The following STAT3 variants were observed in gnomAD, a reference collection of about 807,000 sequenced individuals.
STAT3 encodes the protein DNA-binding protein APRF.
A neutral mutation model predicts 114.3 loss-of-function variants in STAT3; 7 were observed. The ratio of observed to expected loss-of-function variants is 0.06; its 90% CI spans 0.03 to 0.11. The LOEUF (loss-of-function observed/expected upper bound fraction) is 0.11. Among genes scored for constraint, STAT3 ranks in the 10% least tolerant of loss-of-function variants. The pLI is 1.00. For missense variants in STAT3, 364 were observed against 960.9 expected, an observed-to-expected ratio of 0.38 and a Z score of 8.21; for synonymous variants, 331 against 354.5, an observed-to-expected ratio of 0.93 and a Z score of 0.74.
At chr17:42,376,710 G>A (rs929225337) in intron 1 of STAT3, among the ~76,000 whole-genome samples, 1 of 151,962 alleles carries the variant, frequency 6.6e-6, no homozygotes, top group African/African-American at 2.4e-5. Flanking sequence ...GCCGGGCATT[G>A]TGACGGGCGC....
In STAT3 at chr17:42,314,282, A is replaced by G. The variant is rs576595680; in HGVS notation, c.*1463T>C. 3 of 233,308 alleles carry G rather than the reference A, an allele frequency of 1.3e-5. No individual in the cohort carries two copies. In the East Asian group the frequency reaches 1.8e-4, roughly 14 times the overall value. The allele number at this position is 233,308 out of a possible 1,614,324, so 14.5% of individuals were successfully genotyped here. On this transcript the variant is annotated 3_prime_UTR_variant, in exon 24 of 24. Transcript: ENST00000264657. ...AAGTGCCACTGGATATCACCAAGAA[A>G]CTGGCTAAGAACCATATTCCCTGAG... is the stretch of plus-strand genomic sequence containing the variant.
At chr17:42,323,479 G>A (rs2081570047) in intron 18 of STAT3, 94 bp downstream of exon 18, 1 of 1,559,910 alleles carries the variant, frequency 6.4e-7, no homozygotes, top group Admixed American at 1.7e-5. Context: ...CTGGCCGCTG[G>A]ACCAAGAGTT....
At chr17:42,366,061 T>C (rs1223214599) in intron 1 of STAT3, among the ~76,000 whole-genome samples, 1 of 152,160 alleles carries the variant, frequency 6.6e-6, no homozygotes, top group East Asian at 1.9e-4. Context: ...AATTCTCAAA[T>C]TTATGTCTCT....
rs1053005 is a variant in STAT3 at position 42,313,892 on chromosome 17, T to C, written c.*1853A>G. On this transcript the variant is annotated 3_prime_UTR_variant, in exon 24 of 24. Coordinates refer to ENST00000264657, the MANE Select transcript of STAT3 (RefSeq NM_139276.3). Reference sequence around the variant, plus strand: ...AGGACTGGGGCGAACCCTGTTCATCTTAGAGAAGGTCGTCTCCCCCTTAAT... The same window carrying C: ...AGGACTGGGGCGAACCCTGTTCATCCTAGAGAAGGTCGTCTCCCCCTTAAT... 0.25 allele frequency: 56,957 copies of C among 232,250 alleles called. 7,910 individuals carry two copies. The highest frequency in any genetic ancestry group is 0.38 in the African/African-American group (17,370 of 45,290). 14.4% of individuals were successfully genotyped at this position (232,250 alleles called of 1,614,324 possible). A position where few individuals can be genotyped will look rare whatever the true frequency, so the allele number is the denominator to read the frequency against.
At chr17:42,370,251 C>CTT (rs34393906) in intron 1 of STAT3, among the ~76,000 whole-genome samples, 1 of 139,284 alleles carries the variant, frequency 7.2e-6, no homozygotes. Context: ...CACACCCAGC[C>CTT]TTTTTTTTTT....
chr17:42,378,849 TTCTG>T (rs1217832095), intron 1 of STAT3, among the ~76,000 whole-genome samples: 2 of 152,200 alleles, frequency 1.3e-5, no homozygotes, highest in Non-Finnish European at 2.9e-5. Context: ...TGCTTTTAGA[TTCTG>T]TCAGAAAAAG....
chr17:42,376,451 G>A (rs1456804494), intron 1 of STAT3, among the ~76,000 whole-genome samples: 1 of 151,308 alleles, frequency 6.6e-6, no homozygotes, highest in Non-Finnish European at 1.5e-5. Context: ...GGAGGCTGAG[G>A]CAGGAGAATC....
chr17:42,328,439 A>C (rs2081838061), intron 14 of STAT3, among the ~76,000 whole-genome samples: 1 of 152,180 alleles, frequency 6.6e-6, no homozygotes, highest in Admixed American at 6.5e-5. Context: ...ACAGAGTTTC[A>C]CTCTGTTGCC....
At chr17:42,362,133 A>T (rs1242208247) in intron 1 of STAT3, among the ~76,000 whole-genome samples, 1 of 152,180 alleles carries the variant, frequency 6.6e-6, no homozygotes, top group Non-Finnish European at 1.5e-5. Context: ...TTGAGAGGGC[A>T]ATTGGGCCAC....
At position 42,384,706 on chromosome 17, in the gene STAT3, C is replaced by T. The variant is rs772210458; in HGVS notation, c.-24+3573G>A. Among the ~76,000 whole-genome samples, 86 of 152,088 alleles carry T rather than the reference C, an allele frequency of 5.7e-4. 1 individual carries two copies. Among genetic ancestry groups the T allele is most frequent in the Non-Finnish European group, 1.0e-3 (68 of 68,012 alleles). On this transcript the variant is annotated intron_variant, in intron 1 of 23. Transcript: ENST00000264657. ...AGTAGCTGGGACTACAGGTCCACGC[C>T]ACCAGGCCTGGCTAATTTTTTTTAT...
chr17:42,322,361 A>G lies in STAT3; in HGVS notation c.2022T>C (p.Tyr674=), dbSNP rs754672701. 14 of 1,614,124 alleles carry G rather than the reference A, an allele frequency of 8.7e-6. No homozygotes were observed. Among genetic ancestry groups the G allele is most frequent in the Middle Eastern group, 1.6e-4 (1 of 6,084 alleles). ...NILVSPLVYL[Y]PDIPKEEAFG... The stretch of plus-strand genomic sequence containing the variant: ...ATGCCTCCTCCTTGGGAATGTCAGG[A>G]TAGAGATAGACCAGTGGAGACACCA... Residue 674 remains tyrosine, a synonymous_variant, in exon 21 of 24, where the codon TAT becomes TAC. Coordinates refer to ENST00000264657, the MANE Select transcript of STAT3 (RefSeq NM_139276.3).
chr17:42,317,416 G>A (rs1567702638), intron 21 of STAT3, 192 bp from the exon 22 acceptor site: 4 of 672,872 alleles, frequency 5.9e-6, no homozygotes, highest in Non-Finnish European at 1.0e-5. Flanking sequence ...CCAGGCACTA[G>A]CAGCTGTGAA....
chr17:42,379,255 G>C (rs1039690255), intron 1 of STAT3, among the ~76,000 whole-genome samples: 5 of 151,908 alleles, frequency 3.3e-5, no homozygotes, highest in African/African-American at 1.2e-4. Flanking sequence ...CCCCGCATAC[G>C]GCCAGGAAAA....
At chr17:42,348,642 T>C (rs1678983772) in intron 1 of STAT3, 103 bp from the exon 2 acceptor site, 2 of 1,340,498 alleles carry the variant, frequency 1.5e-6, no homozygotes, top group Non-Finnish European at 2.1e-6. Flanking sequence ...TGACTAGGGA[T>C]AAAGATGCTC....
intron 13 of STAT3, 24 bp downstream of exon 13, chr17:42,329,530 T>C (rs2081901387): frequency 6.2e-7 from 1 of 1,614,024 alleles, no homozygotes; most frequent in Admixed American, 1.7e-5. Context: ...AGGCCCTTTG[T>C]GAAGGGGAGC....
chr17:42,334,470 A>G (rs1389817516), intron 8 of STAT3, among the ~76,000 whole-genome samples: 1 of 106,624 alleles, frequency 9.4e-6, no homozygotes, highest in African/African-American at 3.7e-5. Context: ...TTTGAGATAG[A>G]GTCTTACTCT....
chr17:42,387,980 G>C, intron 1 of STAT3: 1 of 318,034 alleles, frequency 3.1e-6, no homozygotes, highest in Non-Finnish European at 5.7e-6. Flanking sequence ...GGAAATCGGG[G>C]GACTGTCCCT....
chr17:42,359,349 A>C (rs569132696), intron 1 of STAT3, among the ~76,000 whole-genome samples: 8 of 152,262 alleles, frequency 5.3e-5, no homozygotes, highest in African/African-American at 1.9e-4. Flanking sequence ...TGCTAAGTAA[A>C]ATACATGCAT....
chr17:42,377,868 T>C (rs1407076811), intron 1 of STAT3, among the ~76,000 whole-genome samples: 2 of 152,056 alleles, frequency 1.3e-5, no homozygotes, highest in Non-Finnish European at 1.5e-5. Flanking sequence ...ACTCAGAAAA[T>C]ATTCTCACTG....
Sources: allele counts gnomAD v4.1 joint callset (sites outside exome capture counted in the v4.1 genomes callset), GRCh38; gene constraint gnomAD v4.1.1; transcripts MANE v1.5; gene names NCBI Gene and HGNC (gene_info 2026-07-23, HGNC 2026-07-21).